LCLAT1: variants seen among roughly 807,000 people sequenced by gnomAD.
LCLAT1 encodes the protein 1-AGP acyltransferase 8.
A neutral mutation model predicts 30.7 loss-of-function variants in LCLAT1; 11 were observed. The ratio of observed to expected loss-of-function variants is 0.36; its 90% CI spans 0.23 to 0.59. The LOEUF is 0.59. Ranked by LOEUF, LCLAT1 falls within the 20% of genes least tolerant of loss-of-function variation. The pLI is 0.77. For synonymous variants in LCLAT1, 155 were observed against 151.3 expected, an observed-to-expected ratio of 1.02 and a Z score of -0.18; for missense variants, 402 against 458.6, an observed-to-expected ratio of 0.88 and a Z score of 1.13.
chr2:30,616,935 T>G (rs977805191), intron 5 of LCLAT1, among the ~76,000 whole-genome samples: 3 of 152,152 alleles, frequency 2.0e-5, no homozygotes, highest in African/African-American at 7.2e-5. Context: ...CCACGCAGCC[T>G]TTTAGAAAGC....
chr2:30,584,318 C>T (rs920972538), intron 5 of LCLAT1, among the ~76,000 whole-genome samples: 6 of 152,098 alleles, frequency 3.9e-5, no homozygotes, highest in African/African-American at 1.2e-4. Flanking sequence ...TTTTTTTACC[C>T]GCACTCAATG....
In LCLAT1 at chr2:30,447,756, T is replaced by G. The variant is rs565638986; in HGVS notation, c.-5+373T>G. Among the ~76,000 whole-genome samples, 63 of 152,332 alleles carry G rather than the reference T, an allele frequency of 4.1e-4. 1 individual carries two copies. In the South Asian group the frequency reaches 0.013, roughly 31 times the overall value. The stretch of plus-strand genomic sequence containing the variant: ...CTGCGACCTCAGCGGGTCTGGGAGC[T>G]GCACTGTCCCGGAACGCAACCTGAG... On this transcript the variant is annotated intron_variant, in intron 1 of 5. Coordinates refer to ENST00000379509, the MANE Select transcript of LCLAT1 (RefSeq NM_001002257.3).
chr2:30,505,348 T>C (rs935411121), intron 1 of LCLAT1, among the ~76,000 whole-genome samples: 1 of 120,248 alleles, frequency 8.3e-6, no homozygotes, highest in African/African-American at 2.9e-5. Context: ...TTTTTTTTTT[T>C]AACAATCTAC....
At chr2:30,566,310 A>T (rs1356036482) in intron 4 of LCLAT1, among the ~76,000 whole-genome samples, 1 of 152,164 alleles carries the variant, frequency 6.6e-6, no homozygotes, top group Admixed American at 6.5e-5. Flanking sequence ...AAGGGTAGTT[A>T]CTACTCATCT....
At position 30,502,939 on chromosome 2, in the gene LCLAT1, T is replaced by A. The variant is rs189376630; in HGVS notation, c.-4-22648T>A. Among the ~76,000 whole-genome samples the A allele has an allele frequency of 2.5e-3, 380 of 152,290 alleles. 2 individuals carry two copies. Among genetic ancestry groups the A allele is most frequent in the Non-Finnish European group, 4.2e-3 (285 of 68,006 alleles). ...GCAGTCATTTATTGAGCAGTACTGTTCCTTGCAGAACAGGGCTAACTCACA... is the reference window on the plus strand; with the variant it reads ...GCAGTCATTTATTGAGCAGTACTGTACCTTGCAGAACAGGGCTAACTCACA... On this transcript the variant is annotated intron_variant, in intron 1 of 5. Coordinates refer to ENST00000379509, the MANE Select transcript of LCLAT1 (RefSeq NM_001002257.3).
At chr2:30,562,861 G>T (rs1485941726) in intron 4 of LCLAT1, among the ~76,000 whole-genome samples, 5 of 151,938 alleles carry the variant, frequency 3.3e-5, no homozygotes, top group Non-Finnish European at 7.4e-5. Flanking sequence ...ATAAGAAAAA[G>T]ATCTGATAGT....
intron 1 of LCLAT1, among the ~76,000 whole-genome samples, chr2:30,512,323 A>G (rs1229206482): frequency 2.0e-5 from 3 of 151,756 alleles, no homozygotes; most frequent in African/African-American, 7.3e-5. Flanking sequence ...ATGCTTTGTA[A>G]CTCCTCATTT....
At chr2:30,588,085 A>G (rs1184870299) in intron 5 of LCLAT1, among the ~76,000 whole-genome samples, 1 of 152,182 alleles carries the variant, frequency 6.6e-6, no homozygotes, top group Non-Finnish European at 1.5e-5. Context: ...TGCAAAATCC[A>G]TGTGAGGAAG....
chr2:30,517,604 T>C (rs1207779916), intron 1 of LCLAT1, among the ~76,000 whole-genome samples: 1 of 152,058 alleles, frequency 6.6e-6, no homozygotes, highest in Non-Finnish European at 1.5e-5. Flanking sequence ...GCAAATTGAA[T>C]AAATTAAAGG....
chr2:30,607,589 A>C (rs1213762781), intron 5 of LCLAT1: 1 of 152,144 alleles, frequency 6.6e-6, no homozygotes, highest in Non-Finnish European at 1.5e-5. Context: ...TACCGTAATG[A>C]TAATGACTAT....
chr2:30,470,668 G>T (rs1682734321), intron 1 of LCLAT1, among the ~76,000 whole-genome samples: 1 of 152,132 alleles, frequency 6.6e-6, no homozygotes, highest in Non-Finnish European at 1.5e-5. Flanking sequence ...GATTACTGTA[G>T]CCTCTTAGTA....
intron 5 of LCLAT1, among the ~76,000 whole-genome samples, chr2:30,631,297 T>TA (rs921578333): frequency 7.2e-5 from 11 of 152,200 alleles, no homozygotes; most frequent in African/African-American, 2.7e-4. Context: ...GCCCTAGACA[T>TA]ACTCCTCTCA....
chr2:30,458,002 G>A (rs1437773653), intron 1 of LCLAT1, among the ~76,000 whole-genome samples: 2 of 151,708 alleles, frequency 1.3e-5, no homozygotes, highest in African/African-American at 4.9e-5. Context: ...GAAGACTGTG[G>A]GCAACTAATT....
chr2:30,573,785 T>C (rs1035821031), intron 5 of LCLAT1, among the ~76,000 whole-genome samples: 1 of 152,186 alleles, frequency 6.6e-6, no homozygotes, highest in African/African-American at 2.4e-5. Context: ...TTCTTCACTG[T>C]TTTTTCTCAA....
At chr2:30,621,618 G>C (rs2084301) in intron 5 of LCLAT1, among the ~76,000 whole-genome samples, 2 of 151,986 alleles carry the variant, frequency 1.3e-5, no homozygotes, top group Non-Finnish European at 1.5e-5. Context: ...AACTGTGAGC[G>C]ACCAAAGTGT....
In LCLAT1 at chr2:30,562,270, C is replaced by A. The variant is rs1417819121; in HGVS notation, c.489C>A (p.Phe163Leu). The A allele has an allele frequency of 6.2e-7, 1 of 1,611,122 alleles. No individual in the cohort carries two copies. Among genetic ancestry groups the A allele is most frequent in the South Asian group, 1.1e-5 (1 of 90,654 alleles). ...DIHEPLQLLI[F>L]PEGTDLTENS... is the part of the protein sequence containing the mutation. ...ACGAACCACTTCAACTCCTCATATTCCCAGAAGGGACTGATCTCACAGGTA... is the reference window on the plus strand; with the variant it reads ...ACGAACCACTTCAACTCCTCATATTACCAGAAGGGACTGATCTCACAGGTA... The change falls in exon 4 of 6, where the codon TTC (phenylalanine) becomes TTA (leucine). Residue 163 changes from phenylalanine (F) to leucine (L), a missense_variant. Transcript: ENST00000379509.
At chr2:30,612,855 T>C (rs1037129569) in intron 5 of LCLAT1, among the ~76,000 whole-genome samples, 2 of 152,070 alleles carry the variant, frequency 1.3e-5, no homozygotes, top group Admixed American at 1.3e-4. Context: ...CTTATTCAAT[T>C]TATATATTTC....
At chr2:30,457,799 C>G (rs190024202) in intron 1 of LCLAT1, among the ~76,000 whole-genome samples, 1 of 152,080 alleles carries the variant, frequency 6.6e-6, no homozygotes, top group African/African-American at 2.4e-5. Context: ...AGTTTGAATC[C>G]CATTTACTGT....
intron 5 of LCLAT1, among the ~76,000 whole-genome samples, chr2:30,620,091 C>T (rs752524849): frequency 2.0e-5 from 3 of 152,272 alleles, no homozygotes; most frequent in South Asian, 2.1e-4. Flanking sequence ...ATGTATGTTT[C>T]TCAGGGCCAT....
Sources: gnomAD v4.1 joint callset for allele counts (sites outside exome capture counted in the v4.1 genomes callset) on GRCh38, gnomAD v4.1.1 for gene constraint, MANE v1.5 for transcripts, NCBI Gene and HGNC (gene_info 2026-07-23, HGNC 2026-07-21) for gene names.